Variants in CLCN5 observed in about 807,000 individuals in gnomAD.
CLCN5 encodes Cl-/H+ antiporter 5, also known as H(+)/Cl(-) exchange transporter 5.
CLCN5 carries 17 observed loss-of-function variants against 54.0 expected under a neutral mutation model. The observed-to-expected ratio is 0.31, with a 90% CI of 0.22 to 0.47. The LOEUF (loss-of-function observed/expected upper bound fraction) is 0.47, where lower values mean the gene tolerates loss of function less well. Ranked by LOEUF, CLCN5 falls within the 20% of genes least tolerant of loss-of-function variation. CLCN5 has a pLI of 1.00. For missense variants in CLCN5, 448 were observed against 646.7 expected (o/e 0.69, Z 3.33); for synonymous variants, 222 against 233.0 (o/e 0.95, Z 0.43).
At position 50,080,647 on chromosome X, in the gene CLCN5, A is replaced by G. The variant is rs1933655782; in HGVS notation, c.657A>G (p.Leu219=). Residue 219 remains leucine (L), a synonymous_variant, in exon 8 of 15, where the codon CTA becomes CTG. Transcript: ENST00000376091. ...NYFMYVLWAL[L]FAFLAVSLVK... is the part of the protein sequence containing the mutation. Reference sequence around the variant, plus strand: ...TCATGTACGTCCTCTGGGCTCTCCTATTTGCCTTCCTTGCCGTATCTCTTG... The same window carrying G: ...TCATGTACGTCCTCTGGGCTCTCCTGTTTGCCTTCCTTGCCGTATCTCTTG... The G allele has an allele frequency of 1.2e-5, 15 of 1,202,773 alleles. No homozygotes were observed. The highest frequency in any genetic ancestry group is 5.3e-5 in the African/African-American group (3 of 56,274).
At chrX:50,039,338 G>T (rs1557186868) in intron 3 of CLCN5, among the ~76,000 whole-genome samples, 1 of 111,347 alleles carries the variant, frequency 9.0e-6, no homozygotes, top group Non-Finnish European at 1.9e-5. Flanking sequence ...ATAGTAATAC[G>T]TTTATATGCA....
intron 3 of CLCN5, among the ~76,000 whole-genome samples, chrX:49,995,574 T>C (rs781932678): frequency 9.0e-6 from 1 of 111,404 alleles, no homozygotes; most frequent in Admixed American, 9.5e-5. Flanking sequence ...GGAGGAAATG[T>C]AGAGTGTAAA....
In CLCN5 at chrX:50,088,742, A is replaced by G; in HGVS notation, c.1602A>G (p.Ile534Met). 8.3e-7 allele frequency: 1 copy of G among 1,211,519 alleles called. No individual in the cohort carries two copies. The change falls in exon 12 of 15, where the codon ATA (isoleucine) becomes ATG (methionine). Residue 534 changes from isoleucine (I) to methionine (M), a missense_variant. Physicochemically the swap from Ile to Met is conservative, Grantham distance 10. Coordinates refer to ENST00000376091, the MANE Select transcript of CLCN5 (RefSeq NM_001127898.4). ...TCCCTAGCATGGCTGTTGGTGCTAT[A>G]GCAGGTCGACTTCTAGGAGTAGGAA... is the stretch of plus-strand genomic sequence containing the variant. ...LFIPSMAVGAIAGRLLGVGME... is the reference protein window; with the variant it reads ...LFIPSMAVGAMAGRLLGVGME...
chrX:49,930,326 T>G (rs2147253055), intron 3 of CLCN5, among the ~76,000 whole-genome samples: 1 of 112,232 alleles, frequency 8.9e-6, no homozygotes, highest in Admixed American at 9.4e-5. Context: ...TATGTTTACC[T>G]TCTGACCCAG....
chrX:50,075,997 T>G lies in CLCN5; in HGVS notation c.603+15T>G. ...GCACAGATGAGGTAACATGTAGTGA[T>G]GTTTTATGAGCCATTGACTTTTCTT... On this transcript the variant is annotated intron_variant, in intron 7 of 14. Coordinates refer to ENST00000376091, the MANE Select transcript of CLCN5 (RefSeq NM_001127898.4). 8.5e-7 allele frequency: 1 copy of G among 1,183,165 alleles called. No homozygotes were observed.
chrX:49,937,377 C>A (rs1003973813), intron 3 of CLCN5, among the ~76,000 whole-genome samples: 1 of 111,495 alleles, frequency 9.0e-6, no homozygotes, highest in Non-Finnish European at 1.9e-5. Flanking sequence ...CCTGTAAAAC[C>A]TTTAAATACT....
chrX:50,013,584 A>T (rs1557183013), intron 3 of CLCN5, among the ~76,000 whole-genome samples: 1 of 112,004 alleles, frequency 8.9e-6, no homozygotes, highest in Non-Finnish European at 1.9e-5. Context: ...GCACACACAC[A>T]TGTGTAAGTG....
At chrX:49,963,292 T>A (rs1213652245) in intron 3 of CLCN5, among the ~76,000 whole-genome samples, 1 of 111,484 alleles carries the variant, frequency 9.0e-6, no homozygotes, top group Non-Finnish European at 1.9e-5. Flanking sequence ...GAAGATACTA[T>A]TAAAACAGGT....
intron 1 of CLCN5, among the ~76,000 whole-genome samples, chrX:49,923,132 T>A (rs1449982960): frequency 2.6e-5 from 3 of 113,257 alleles, no homozygotes; most frequent in African/African-American, 9.6e-5. Context: ...CTGCGTCCCC[T>A]TTCCCGGACT....
At position 50,064,342 on chromosome X, in the gene CLCN5, C is replaced by T. The variant is rs1932926398; in HGVS notation, c.164-5537C>T. 3.0e-5 allele frequency among the ~76,000 whole-genome samples: 3 copies of T among 101,021 alleles called. No individual in the cohort carries two copies. In the Admixed American group the frequency reaches 3.3e-4, roughly 11 times the overall value. The allele number at this position is 101,021 out of a possible 115,157, so 87.7% of individuals were successfully genotyped here. A position where few individuals can be genotyped will look rare whatever the true frequency, so the allele number is the denominator to read the frequency against. On this transcript the variant is annotated intron_variant, in intron 4 of 14. Coordinates refer to ENST00000376091, the MANE Select transcript of CLCN5 (RefSeq NM_001127898.4). ...GGATACAAAATCAATGTACAAAAATCACAAGCATTCCTATACACCAACAAC... is the reference window on the plus strand; with the variant it reads ...GGATACAAAATCAATGTACAAAAATTACAAGCATTCCTATACACCAACAAC...
At chrX:50,014,136 C>G (rs1557183098) in intron 3 of CLCN5, among the ~76,000 whole-genome samples, 1 of 111,544 alleles carries the variant, frequency 9.0e-6, no homozygotes. Flanking sequence ...ACATCCTGAG[C>G]CTGCTGCTCT....
chrX:50,072,614 A>G (rs782478481), intron 6 of CLCN5, 26 bp downstream of exon 6: 1 of 1,072,678 alleles, frequency 9.3e-7, no homozygotes, highest in Admixed American at 2.2e-5. Flanking sequence ...AGTTTTCAAA[A>G]CAAATCTCCT....
At chrX:49,988,735 A>T (rs1929100605) in intron 3 of CLCN5, among the ~76,000 whole-genome samples, 2 of 112,300 alleles carry the variant, frequency 1.8e-5, no homozygotes, top group Admixed American at 1.9e-4. Flanking sequence ...TAGATTAATG[A>T]ACATAAAATT....
intron 3 of CLCN5, among the ~76,000 whole-genome samples, chrX:50,028,494 C>T (rs1325060670): frequency 8.9e-6 from 1 of 111,813 alleles, no homozygotes; most frequent in African/African-American, 3.3e-5. Context: ...TTAGGTTTTC[C>T]TACCCCAGAG....
intron 2 of CLCN5, among the ~76,000 whole-genome samples, chrX:49,924,365 C>T (rs1243103267): frequency 9.0e-6 from 1 of 111,576 alleles, no homozygotes; most frequent in African/African-American, 3.3e-5. Context: ...GACGGGGTTT[C>T]ACCATGTTGG....
intron 9 of CLCN5, among the ~76,000 whole-genome samples, chrX:50,082,345 C>T (rs782399674): frequency 9.2e-6 from 1 of 108,118 alleles, no homozygotes; most frequent in African/African-American, 3.4e-5. Context: ...CAGGGTCTCA[C>T]TCTGTCACCT....
chrX:50,038,776 G>A (rs1173090885), intron 3 of CLCN5, among the ~76,000 whole-genome samples: 2 of 112,280 alleles, frequency 1.8e-5, no homozygotes, highest in Admixed American at 1.9e-4. Flanking sequence ...CTGGTTTGAA[G>A]GAATCTGCTG....
At chrX:49,930,796 T>C (rs782399371) in intron 3 of CLCN5, among the ~76,000 whole-genome samples, 6 of 111,919 alleles carry the variant, frequency 5.4e-5, no homozygotes, top group Non-Finnish European at 9.4e-5. Context: ...CATCTGCGTG[T>C]AAGTGAACCT....
intron 3 of CLCN5, among the ~76,000 whole-genome samples, chrX:49,980,274 T>G (rs1428629981): frequency 1.8e-5 from 2 of 111,140 alleles, no homozygotes; most frequent in Non-Finnish European, 3.8e-5. Context: ...TTGGCTTTAG[T>G]GAAGCAAAAT....
Sources: gnomAD v4.1 joint callset for allele counts (sites outside exome capture counted in the v4.1 genomes callset) on GRCh38, gnomAD v4.1.1 for gene constraint, MANE v1.5 for transcripts, NCBI Gene and HGNC (gene_info 2026-07-23, HGNC 2026-07-21) for gene names.